KYNU: variants seen among roughly 807,000 people sequenced by gnomAD.
The protein encoded by KYNU is kynureninase.
In KYNU, 54 loss-of-function variants were observed where a neutral mutation model predicts 59.2. That is an observed-to-expected ratio of 0.91 (90% CI 0.73 to 1.14). The LOEUF (loss-of-function observed/expected upper bound fraction) is 1.14, where lower values mean the gene tolerates loss of function less well. Ranked by LOEUF, KYNU falls within the 50% of genes most tolerant of loss-of-function variation. The pLI is 0.00. For synonymous variants in KYNU, 177 were observed against 192.0 expected (o/e 0.92, Z 0.65); for missense variants, 567 against 554.4 (o/e 1.02, Z -0.23).
chr2:142,885,199 G>A, intron 1 of KYNU, 150 bp from the exon 2 acceptor site: 1 of 649,188 alleles, frequency 1.5e-6, no homozygotes, highest in South Asian at 1.8e-5. Context: ...AAAAACTCAT[G>A]CATGGAGTTT....
At chr2:143,007,471 G>C (rs1685950691) in intron 10 of KYNU, among the ~76,000 whole-genome samples, 1 of 129,028 alleles carries the variant, frequency 7.8e-6, no homozygotes, top group Non-Finnish European at 1.6e-5. Flanking sequence ...GAACCAAGTT[G>C]GAAAACACTC....
intron 1 of KYNU, among the ~76,000 whole-genome samples, chr2:142,883,142 A>T (rs1486300047): frequency 6.7e-6 from 1 of 148,970 alleles, no homozygotes; most frequent in Non-Finnish European, 1.5e-5. Context: ...ATGGTATCCC[A>T]TTAAACTTAT....
chr2:142,898,314 G>C (rs1681953109), intron 2 of KYNU, among the ~76,000 whole-genome samples: 2 of 150,494 alleles, frequency 1.3e-5, no homozygotes, highest in African/African-American at 4.9e-5. Context: ...AGCAATTGCT[G>C]CAGCCAATCC....
chr2:143,026,043 ACTTT>A (rs1558981706), intron 10 of KYNU, among the ~76,000 whole-genome samples: 6 of 152,322 alleles, frequency 3.9e-5, no homozygotes, highest in Middle Eastern at 6.8e-3. Context: ...ATAATTAGAA[ACTTT>A]CTTTGATGCA....
chr2:142,969,811 G>A (rs145233048), intron 8 of KYNU, among the ~76,000 whole-genome samples: 4 of 152,104 alleles, frequency 2.6e-5, no homozygotes, highest in Non-Finnish European at 5.9e-5. Context: ...AGGGCCTCCC[G>A]AAGGAAGTGT....
At chr2:142,895,559 T>C (rs2104932833) in intron 2 of KYNU, among the ~76,000 whole-genome samples, 1 of 152,358 alleles carries the variant, frequency 6.6e-6, no homozygotes, top group South Asian at 2.1e-4. Context: ...CCAATTTTGG[T>C]GATTATGAAT....
At chr2:142,920,534 T>C (rs1368944012) in intron 3 of KYNU, among the ~76,000 whole-genome samples, 3 of 152,240 alleles carry the variant, frequency 2.0e-5, no homozygotes, top group African/African-American at 7.2e-5. Context: ...GGTTGATTAT[T>C]TTCAAGACTT....
chr2:143,037,030 T>G lies in KYNU; in HGVS notation c.1042-3398T>G, dbSNP rs759862864. ...AAGATATTAATATGGCTTTTTTTAA[T>G]AAATACATGTGTATATGGTTGATTG... On this transcript the variant is annotated intron_variant, in intron 12 of 13. Transcript: ENST00000264170. Among the ~76,000 whole-genome samples the G allele has an allele frequency of 5.3e-4, 81 of 152,350 alleles. 1 individual carries two copies. Among genetic ancestry groups the G allele is most frequent in the Non-Finnish European group, 9.4e-4 (64 of 68,036 alleles).
intron 10 of KYNU, among the ~76,000 whole-genome samples, chr2:143,006,087 A>G (rs540291989): frequency 1.4e-3 from 207 of 152,290 alleles, no homozygotes; most frequent in African/African-American, 4.8e-3. Flanking sequence ...TCCGGTCTAC[A>G]GCTCCCAGCA....
At chr2:142,906,071 T>C (rs1682286624) in intron 2 of KYNU, among the ~76,000 whole-genome samples, 1 of 151,916 alleles carries the variant, frequency 6.6e-6, no homozygotes, top group Non-Finnish European at 1.5e-5. Flanking sequence ...CTTTCTCTCC[T>C]CTCTGTCTCT....
intron 2 of KYNU, among the ~76,000 whole-genome samples, chr2:142,895,065 A>C (rs1322672644): frequency 3.3e-5 from 5 of 152,186 alleles, no homozygotes; most frequent in African/African-American, 1.2e-4. Context: ...GGATTGGTAG[A>C]ATGTTCTCTT....
intron 10 of KYNU, among the ~76,000 whole-genome samples, chr2:142,993,942 A>G (rs887279586): frequency 2.0e-5 from 3 of 152,044 alleles, no homozygotes; most frequent in African/African-American, 7.2e-5. Flanking sequence ...CTGTTCTAAA[A>G]CTGCAGTCCA....
chr2:143,012,490 CAAAA>C (rs1255670962), intron 10 of KYNU, among the ~76,000 whole-genome samples: 114 of 79,956 alleles, frequency 1.4e-3, no homozygotes, highest in Non-Finnish European at 2.1e-3. Flanking sequence ...CTCCAAAAAA[CAAAA>C]AAAAAAAAAA....
chr2:143,022,588 A>G (rs1215035637), intron 10 of KYNU, among the ~76,000 whole-genome samples: 1 of 152,042 alleles, frequency 6.6e-6, no homozygotes, highest in Non-Finnish European at 1.5e-5. Flanking sequence ...TTTAAATAGC[A>G]TTGGAATTAT....
At chr2:142,995,528 G>C (rs1201382111) in intron 10 of KYNU, among the ~76,000 whole-genome samples, 1 of 152,074 alleles carries the variant, frequency 6.6e-6, no homozygotes, top group Admixed American at 6.6e-5. Context: ...ATTGTGATTA[G>C]ATGAATATTT....
chr2:142,911,306 T>G (rs959390790), intron 2 of KYNU, among the ~76,000 whole-genome samples: 2 of 152,198 alleles, frequency 1.3e-5, no homozygotes, highest in African/African-American at 4.8e-5. Context: ...TCTTAGTGTT[T>G]TACTGTTTTT....
At chr2:142,968,765 T>C (rs351682) in intron 8 of KYNU, among the ~76,000 whole-genome samples, 1,755 of 152,170 alleles carry the variant, frequency 0.012, 33 homozygotes, top group East Asian at 0.034. Flanking sequence ...AATTAAAATA[T>C]AGCTGGGTGT....
chr2:143,004,745 C>T lies in KYNU; in HGVS notation c.902+18724C>T, dbSNP rs143520465. Among the ~76,000 whole-genome samples, 365 of 152,248 alleles carry T rather than the reference C, an allele frequency of 2.4e-3. 3 individuals are homozygous for T. Among genetic ancestry groups the T allele is most frequent in the Middle Eastern group, 6.8e-3 (2 of 294 alleles). On this transcript the variant is annotated intron_variant, in intron 10 of 13. Coordinates refer to ENST00000264170, the MANE Select transcript of KYNU (RefSeq NM_003937.3). ...ATATTCATTTTTCCTCCCGAGCATACAATACTATCTTTACTATCACCAATG... is the reference window on the plus strand; with the variant it reads ...ATATTCATTTTTCCTCCCGAGCATATAATACTATCTTTACTATCACCAATG...
chr2:142,966,454 C>T (rs1684541698), intron 8 of KYNU, among the ~76,000 whole-genome samples: 1 of 152,198 alleles, frequency 6.6e-6, no homozygotes, highest in African/African-American at 2.4e-5. Context: ...CATTGACTAA[C>T]ACTCAGTCCA....
Sources: allele counts gnomAD v4.1 joint callset (sites outside exome capture counted in the v4.1 genomes callset), GRCh38; gene constraint gnomAD v4.1.1; transcripts MANE v1.5; gene names NCBI Gene and HGNC (gene_info 2026-07-23, HGNC 2026-07-21).